SUGCT: variants seen among roughly 807,000 people sequenced by gnomAD.
SUGCT encodes succinyl-CoA:glutarate-CoA transferase.
A neutral mutation model predicts 55.0 loss-of-function variants in SUGCT; 41 were observed. That is an observed-to-expected ratio of 0.74 (90% confidence interval 0.58 to 0.97). The LOEUF is 0.97. Ranked by LOEUF, SUGCT falls within the 50% of genes least tolerant of loss-of-function variation. The pLI, the probability that SUGCT is intolerant of heterozygous loss-of-function variation, is 0.00. For synonymous variants in SUGCT, 187 were observed against 200.4 expected (o/e 0.93, Z 0.56); for missense variants, 568 against 547.8 (o/e 1.04, Z -0.37).
chr7:40,274,680 G>C lies in SUGCT; in HGVS notation c.720+24G>C, dbSNP rs182725642. ...AGGTAACAATCCAACTAACATTTCAGATAATGTTATAAAAACTGTGTCTGG... is the reference window on the plus strand; with the variant it reads ...AGGTAACAATCCAACTAACATTTCACATAATGTTATAAAAACTGTGTCTGG... On this transcript the variant is annotated intron_variant, in intron 8 of 13. Coordinates refer to ENST00000335693, the MANE Select transcript of SUGCT (RefSeq NM_001193313.2). 1.1e-4 allele frequency: 180 copies of C among 1,606,740 alleles called. No homozygotes were observed. The East Asian group carries it at 3.0e-3, about 27-fold the overall frequency.
At chr7:40,459,234 T>G in intron 11 of SUGCT, 36 bp downstream of exon 11, 2 of 1,300,878 alleles carry the variant, frequency 1.5e-6, no homozygotes, top group South Asian at 2.5e-5. Context: ...ATTTAAGAAT[T>G]AATATGTGAT....
the SUGCT span, among the ~76,000 whole-genome samples, chr7:40,922,158 G>C: frequency 1.4e-4 from 22 of 152,294 alleles, no homozygotes; most frequent in Middle Eastern, 3.4e-3. Flanking sequence ...GGGGTGAGGA[G>C]TTCCTTAATG....
intron 9 of SUGCT, among the ~76,000 whole-genome samples, chr7:40,349,502 G>A (rs1797501874): frequency 6.6e-6 from 1 of 152,068 alleles, no homozygotes; most frequent in South Asian, 2.1e-4. Context: ...TGTCTGGATA[G>A]TTGAGTCTAG....
chr7:40,337,710 A>C (rs1456351565), intron 9 of SUGCT, among the ~76,000 whole-genome samples: 4 of 152,144 alleles, frequency 2.6e-5, no homozygotes, highest in African/African-American at 7.2e-5. Flanking sequence ...CCAATTTGCC[A>C]GTCTGTGTCT....
intron 12 of SUGCT, among the ~76,000 whole-genome samples, chr7:40,550,595 A>T (rs1003963557): frequency 2.6e-5 from 4 of 152,210 alleles, no homozygotes; most frequent in Admixed American, 2.0e-4. Flanking sequence ...GAGACTTATA[A>T]CCAAAAGCAT....
At chr7:40,548,610 C>T (rs569937722) in intron 12 of SUGCT, among the ~76,000 whole-genome samples, 5 of 152,142 alleles carry the variant, frequency 3.3e-5, no homozygotes, top group South Asian at 2.1e-4. Flanking sequence ...CATAGTGTCC[C>T]GTCATCAGCA....
At chr7:40,452,609 G>T (rs769217158) in intron 10 of SUGCT, among the ~76,000 whole-genome samples, 7 of 152,116 alleles carry the variant, frequency 4.6e-5, no homozygotes, top group Non-Finnish European at 1.0e-4. Context: ...GGTGAACTCT[G>T]TCACGGTCCT....
intron 9 of SUGCT, among the ~76,000 whole-genome samples, chr7:40,319,273 C>G (rs1795600737): frequency 6.6e-6 from 1 of 152,154 alleles, no homozygotes; most frequent in South Asian, 2.1e-4. Flanking sequence ...TAGTTCAGCA[C>G]TGTGATTAAG....
intron 12 of SUGCT, among the ~76,000 whole-genome samples, chr7:40,510,859 C>A (rs1792886224): frequency 6.6e-6 from 1 of 152,046 alleles, no homozygotes; most frequent in South Asian, 2.1e-4. Flanking sequence ...TAGGTAAACA[C>A]CACAGTAATA....
chr7:40,695,135 A>G (rs1339226558), intron 12 of SUGCT, among the ~76,000 whole-genome samples: 1 of 151,776 alleles, frequency 6.6e-6, no homozygotes, highest in Non-Finnish European at 1.5e-5. Context: ...TTAATCATTT[A>G]TTTCATTAAT....
At chr7:40,744,070 C>A (rs370817206) in intron 12 of SUGCT, among the ~76,000 whole-genome samples, 106 of 151,892 alleles carry the variant, frequency 7.0e-4, no homozygotes, top group African/African-American at 2.4e-3. Flanking sequence ...TACAGGCACA[C>A]ACCACCACAC....
Position 40,135,109 on chromosome 7 carries a change from G to T in SUGCT, c.89G>T (p.Arg30Leu). Residue 30 changes from arginine to leucine, a missense_variant, in exon 1 of 14, where the codon CGC becomes CTC. Physicochemically the swap from Arg to Leu is moderately radical, Grantham distance 102 (BLOSUM62 -2). Transcript: ENST00000335693. ...GGCGGGAGGGGGCTGTGGACTGGCC[G>T]CCCGCAGTCAGGTACCCTCCGAGAT... is the stretch of plus-strand genomic sequence containing the variant. The part of the protein sequence containing the change: ...RGGGRGLWTG[R>L]PQSDMNNIKP... 6.4e-7 allele frequency: 1 copy of T among 1,554,916 alleles called. No individual in the cohort carries two copies. Among genetic ancestry groups the T allele is most frequent in the Non-Finnish European group, 8.7e-7 (1 of 1,150,510 alleles).
At chr7:40,523,227 CA>C (rs1240887058) in intron 12 of SUGCT, among the ~76,000 whole-genome samples, 2 of 151,888 alleles carry the variant, frequency 1.3e-5, no homozygotes, top group Non-Finnish European at 2.9e-5. Context: ...TTTCTTATAT[CA>C]AAATCCCCCA....
At chr7:40,650,507 G>A (rs1800725774) in intron 12 of SUGCT, among the ~76,000 whole-genome samples, 1 of 152,138 alleles carries the variant, frequency 6.6e-6, no homozygotes, top group African/African-American at 2.4e-5. Flanking sequence ...TATATGTTTT[G>A]TAGGGTGTGT....
At chr7:40,415,610 A>G (rs1443533429) in intron 9 of SUGCT, among the ~76,000 whole-genome samples, 2 of 151,900 alleles carry the variant, frequency 1.3e-5, no homozygotes, top group Admixed American at 6.6e-5. Flanking sequence ...CCCAAAATTT[A>G]TTCTCCTAAA....
At chr7:40,560,176 T>C (rs950846654) in intron 12 of SUGCT, among the ~76,000 whole-genome samples, 4 of 152,188 alleles carry the variant, frequency 2.6e-5, no homozygotes, top group African/African-American at 9.7e-5. Context: ...GCCCTAAGCA[T>C]ACAGCTAGGT....
intron 12 of SUGCT, among the ~76,000 whole-genome samples, chr7:40,527,797 A>T (rs1413563074): frequency 6.6e-6 from 1 of 152,198 alleles, no homozygotes; most frequent in African/African-American, 2.4e-5. Context: ...GAAATGAAAG[A>T]CCCAATGATC....
At chr7:40,769,458 G>A (rs1280759257) in intron 13 of SUGCT, among the ~76,000 whole-genome samples, 1 of 152,174 alleles carries the variant, frequency 6.6e-6, no homozygotes, top group African/African-American at 2.4e-5. Context: ...GGAGGGCCTC[G>A]TGTAATCACC....
chr7:40,464,070 A>C (rs79326481), intron 11 of SUGCT, among the ~76,000 whole-genome samples: 199 of 152,348 alleles, frequency 1.3e-3, no homozygotes, highest in African/African-American at 4.4e-3. Context: ...GAGAGGGATA[A>C]AGATGATGTA....
Sources: allele counts gnomAD v4.1 joint callset (sites outside exome capture counted in the v4.1 genomes callset), GRCh38; gene constraint gnomAD v4.1.1; transcripts MANE v1.5; gene names NCBI Gene and HGNC (gene_info 2026-07-23, HGNC 2026-07-21).